P4HA3: variants seen among roughly 807,000 people sequenced by gnomAD.
P4HA3 encodes prolyl 4-hydroxylase subunit alpha 3, also known as prolyl 4-hydroxylase subunit alpha-3.
In P4HA3, 60 loss-of-function variants were observed where a neutral mutation model predicts 66.7. That is an observed-to-expected ratio of 0.90 (90% confidence interval 0.73 to 1.12). The LOEUF is 1.12. Ranked by LOEUF, P4HA3 falls within the 50% of genes most tolerant of loss-of-function variation. The pLI is 0.00. For missense variants in P4HA3, 683 were observed against 685.8 expected (o/e 1.00, Z 0.05); for synonymous variants, 263 against 274.6 (o/e 0.96, Z 0.42).
intron 15 of P4HA3, chr11:74,251,251 G>A (rs2135685109): frequency 1.4e-6 from 2 of 1,385,346 alleles, no homozygotes; most frequent in East Asian, 2.6e-5. Context: ...CCAGGGCCCT[G>A]TGGTTAAGAT....
At chr11:74,266,614 C>T, downstream of P4HA3, 1 of 165,486 alleles carries the variant, frequency 6.0e-6, no homozygotes, top group Non-Finnish European at 1.3e-5. Flanking sequence ...CCCTTTTTTC[C>T]CACTCAGCAT....
chr11:74,307,359 A>G (rs562905398), intron 1 of P4HA3, among the ~76,000 whole-genome samples: 12 of 152,340 alleles, frequency 7.9e-5, no homozygotes, highest in African/African-American at 2.2e-4. Context: ...TAAAGCAGAG[A>G]GGTGAATATT....
chr11:74,289,075 G>T lies in P4HA3; in HGVS notation c.769+4C>A, dbSNP rs199996954. 113 of 1,567,908 alleles carry T rather than the reference G, an allele frequency of 7.2e-5. No individual in the cohort carries two copies. In the South Asian group the frequency reaches 1.3e-3, roughly 17 times the overall value. On this transcript the variant is annotated splice_donor_region_variant and intron_variant, in intron 5 of 12. Coordinates refer to ENST00000331597, the MANE Select transcript of P4HA3 (RefSeq NM_182904.5). ...GGCTGGCTTATCTTTTATCCATTAC[G>T]TACTGTAGAGAAGAAACTCCCGAGA...
intron 4 of P4HA3, among the ~76,000 whole-genome samples, chr11:74,291,916 T>G (rs1201419446): frequency 6.6e-6 from 1 of 152,144 alleles, no homozygotes; most frequent in Non-Finnish European, 1.5e-5. Context: ...CTTTTTTGGT[T>G]GTGTCTCTGC....
chr11:74,271,254 G>T (rs1860185896), intron 10 of P4HA3, among the ~76,000 whole-genome samples: 1 of 152,210 alleles, frequency 6.6e-6, no homozygotes, highest in African/African-American at 2.4e-5. Flanking sequence ...CACTGGGAAA[G>T]CCGATGAGAA....
At chr11:74,252,250 T>TTG (rs1199197378) in intron 15 of P4HA3, among the ~76,000 whole-genome samples, 1 of 141,326 alleles carries the variant, frequency 7.1e-6, no homozygotes, top group African/African-American at 3.1e-5. Context: ...TTTTTTTTTT[T>TTG]GTTTTTTTTT....
intron 9 of P4HA3, among the ~76,000 whole-genome samples, chr11:74,275,710 T>TA (rs1339025296): frequency 2.0e-5 from 3 of 152,234 alleles, no homozygotes; most frequent in Non-Finnish European, 2.9e-5. Context: ...TCTACAAAAA[T>TA]AAACCTCCTG....
At chr11:74,298,466 T>G in intron 3 of P4HA3, 105 bp from the exon 4 acceptor site, 1 of 1,339,022 alleles carries the variant, frequency 7.5e-7, no homozygotes, top group Non-Finnish European at 1.0e-6. Context: ...GAAGGCAGGT[T>G]TTAATTTCAA....
intron 15 of P4HA3, chr11:74,251,339 C>G: frequency 7.4e-7 from 1 of 1,357,584 alleles, no homozygotes; most frequent in East Asian, 2.7e-5. Context: ...GCTCCCTAAA[C>G]CACAGGCACA....
Position 74,266,887 on chromosome 11 carries a change from G to T in P4HA3, c.*361C>A. 5 of 895,698 alleles carry T rather than the reference G, an allele frequency of 5.6e-6. No individual in the cohort carries two copies. The highest frequency in any genetic ancestry group is 8.2e-6 in the Non-Finnish European group (5 of 609,724). 55.5% of individuals were successfully genotyped at this position (895,698 alleles called of 1,614,324 possible). A position where few individuals can be genotyped will look rare whatever the true frequency, so the allele number is the denominator to read the frequency against. Reference sequence around the variant, plus strand: ...GCAGGTGTCCTCATTGCCACTTCTTGGTCCCTGTGGTCAAGGTTCAAAGTG... The same window carrying T: ...GCAGGTGTCCTCATTGCCACTTCTTTGTCCCTGTGGTCAAGGTTCAAAGTG... On this transcript the variant is annotated 3_prime_UTR_variant, in exon 13 of 13. Coordinates refer to ENST00000331597, the MANE Select transcript of P4HA3 (RefSeq NM_182904.5).
intron 6 of P4HA3, 91 bp from the exon 7 acceptor site, chr11:74,286,076 G>T: frequency 1.3e-6 from 2 of 1,497,750 alleles, no homozygotes; most frequent in Non-Finnish European, 1.8e-6. Context: ...AAATTGGAAT[G>T]CAAGAGATAC....
downstream of P4HA3, among the ~76,000 whole-genome samples, chr11:74,265,869 CCAAAGCACTTCCCCTG>C (rs1475473299): frequency 1.3e-5 from 2 of 152,134 alleles, no homozygotes; most frequent in East Asian, 3.9e-4. Flanking sequence ...CAGCACAGCC[CCAAAGCACTTCCCCTG>C]CAAGGAAGGC....
At chr11:74,255,731 C>G (rs76873775) in intron 15 of P4HA3, among the ~76,000 whole-genome samples, 4,680 of 152,292 alleles carry the variant, frequency 0.031, 224 homozygotes, top group African/African-American at 0.1. Context: ...ATCAGTATCT[C>G]TTGGAAGCTC....
intron 8 of P4HA3, among the ~76,000 whole-genome samples, chr11:74,278,218 G>T (rs1044469984): frequency 3.3e-5 from 5 of 152,170 alleles, no homozygotes; most frequent in African/African-American, 9.7e-5. Context: ...TTCAATAGAT[G>T]GAAAAGATGT....
chr11:74,253,655 A>G, intron 15 of P4HA3: 3 of 865,968 alleles, frequency 3.5e-6, no homozygotes, highest in South Asian at 1.4e-5. Flanking sequence ...AGATGTACCA[A>G]CCTTTTCATG....
At chr11:74,253,343 G>C (rs897115432) in intron 15 of P4HA3, 4 of 757,648 alleles carry the variant, frequency 5.3e-6, no homozygotes, top group Non-Finnish European at 9.1e-6. Context: ...AGCAGACCCT[G>C]GGTCCAGCTC....
Position 74,277,141 on chromosome 11 carries a change from G to A in P4HA3, c.1179C>T (p.Ala393=). The A allele has an allele frequency of 6.2e-7, 1 of 1,613,262 alleles. No homozygotes were observed. Among genetic ancestry groups the A allele is most frequent in the African/African-American group, 1.3e-5 (1 of 74,984 alleles). ...LQVEYRISKS[A]WLKDTVDPKL... is the part of the protein sequence containing the mutation. ...TTGGGTCAACAGTGTCCTTCAGCCA[G>A]GCACTAAAACACACCACAGATTGAA... The change falls in exon 9 of 13, where the codon GCC becomes GCT. Residue 393 remains alanine (A), a synonymous_variant. Coordinates refer to ENST00000331597, the MANE Select transcript of P4HA3 (RefSeq NM_182904.5).
At chr11:74,256,579 C>T (rs1249104988) in intron 15 of P4HA3, among the ~76,000 whole-genome samples, 1 of 152,132 alleles carries the variant, frequency 6.6e-6, no homozygotes, top group Non-Finnish European at 1.5e-5. Context: ...TTAACGAGCA[C>T]CTACTATGTG....
At chr11:74,291,166 T>C (rs1297259256) in intron 4 of P4HA3, among the ~76,000 whole-genome samples, 1 of 152,180 alleles carries the variant, frequency 6.6e-6, no homozygotes, top group African/African-American at 2.4e-5. Context: ...TTCCCATCCC[T>C]TGTAAGTTGG....
Sources: gnomAD v4.1 joint callset for allele counts (sites outside exome capture counted in the v4.1 genomes callset) on GRCh38, gnomAD v4.1.1 for gene constraint, MANE v1.5 for transcripts, NCBI Gene and HGNC (gene_info 2026-07-23, HGNC 2026-07-21) for gene names.